The following TTC29 variants were observed in gnomAD, a reference collection of about 807,000 sequenced individuals.
TTC29 encodes tetratricopeptide repeat protein 29.
A neutral mutation model predicts 58.1 loss-of-function variants in TTC29; 49 were observed. The observed-to-expected ratio is 0.84, with a 90% CI of 0.67 to 1.07. TTC29 has a LOEUF of 1.07. TTC29 is among the 50% of genes least tolerant of loss of function. The pLI is 0.00. For missense variants in TTC29, 582 were observed against 555.6 expected (o/e 1.05, Z -0.48); for synonymous variants, 209 against 196.8 (o/e 1.06, Z -0.52).
chr4:146,886,444 T>C (rs1380323621), intron 6 of TTC29, among the ~76,000 whole-genome samples: 1 of 152,154 alleles, frequency 6.6e-6, no homozygotes, highest in Non-Finnish European at 1.5e-5. Context: ...TTATAATGCA[T>C]AATCTGAATA....
At chr4:146,866,061 A>T (rs1044783394) in intron 8 of TTC29, among the ~76,000 whole-genome samples, 2 of 152,240 alleles carry the variant, frequency 1.3e-5, no homozygotes, top group Non-Finnish European at 2.9e-5. Context: ...TTGAATATAT[A>T]GAATATTTTC....
chr4:146,915,020 A>G (rs1560714681), intron 4 of TTC29, among the ~76,000 whole-genome samples: 2 of 152,176 alleles, frequency 1.3e-5, no homozygotes, highest in South Asian at 4.1e-4. Context: ...ACAATGTGTC[A>G]GGCACTGTGT....
intron 11 of TTC29, among the ~76,000 whole-genome samples, chr4:146,749,360 G>A (rs186957695): frequency 6.6e-6 from 1 of 151,732 alleles, no homozygotes; most frequent in East Asian, 1.9e-4. Context: ...TGGAGCTGAA[G>A]AATTAAATCA....
At chr4:146,943,057 TTTAC>T (rs1736561919) in intron 2 of TTC29, 1 of 154,614 alleles carries the variant, frequency 6.5e-6, no homozygotes, top group African/African-American at 2.4e-5. Flanking sequence ...CTTTTTGATG[TTTAC>T]TTGAGTTCGA....
chr4:146,709,098 GTAC>G (rs1420801804), intron 11 of TTC29, among the ~76,000 whole-genome samples: 3 of 152,066 alleles, frequency 2.0e-5, no homozygotes, highest in Non-Finnish European at 4.4e-5. Flanking sequence ...CATTGTCACT[GTAC>G]TACTACTTTC....
chr4:146,824,166 C>A (rs1014804792), intron 9 of TTC29, among the ~76,000 whole-genome samples: 1 of 152,152 alleles, frequency 6.6e-6, no homozygotes, highest in Non-Finnish European at 1.5e-5. Flanking sequence ...AAGAAGGTAT[C>A]CTTGTCTTGT....
chr4:146,944,597 G>A (rs1736747957), intron 2 of TTC29, among the ~76,000 whole-genome samples: 1 of 152,128 alleles, frequency 6.6e-6, no homozygotes, highest in African/African-American at 2.4e-5. Context: ...AGTGTCTGCA[G>A]GGTTCAGTCA....
chr4:146,793,968 A>C (rs1038082640), intron 11 of TTC29, among the ~76,000 whole-genome samples: 3 of 152,186 alleles, frequency 2.0e-5, no homozygotes, highest in Non-Finnish European at 4.4e-5. Context: ...CATCTATTTA[A>C]GCATCCACTT....
In TTC29 at chr4:146,728,860, C is replaced by CATATATATGTGTATATATACGT. The variant is rs1744103246; in HGVS notation, c.1331-21310_1331-21309insACGTATATATACACATATATAT. Among the ~76,000 whole-genome samples, 22 of 62,048 alleles carry CATATATATGTGTATATATACGT rather than the reference C, an allele frequency of 3.5e-4. 1 individual carries two copies. Among genetic ancestry groups the CATATATATGTGTATATATACGT allele is most frequent in the East Asian group, 1.8e-3 (3 of 1,672 alleles). The allele number at this position is 62,048 out of a possible 152,430, so 40.7% of individuals were successfully genotyped here. ...ACACATATATATGTATATATATACACATATATATGTGTGTGTATATATATA... is the reference window on the plus strand; with the variant it reads ...ACACATATATATGTATATATATACACATATATATGTGTATATATACGTATATATATGTGTGTGTATATATATA... On this transcript the variant is annotated intron_variant, in intron 11 of 12. Coordinates refer to ENST00000325106, the MANE Select transcript of TTC29 (RefSeq NM_031956.4).
At chr4:146,940,979 T>C (rs1281861910) in intron 2 of TTC29, among the ~76,000 whole-genome samples, 1 of 152,202 alleles carries the variant, frequency 6.6e-6, no homozygotes, top group Non-Finnish European at 1.5e-5. Context: ...ATGGGAGATA[T>C]TATTGCAGCC....
intron 8 of TTC29, among the ~76,000 whole-genome samples, chr4:146,846,600 A>G (rs1375870148): frequency 3.3e-5 from 5 of 152,096 alleles, no homozygotes. Flanking sequence ...CCTTTTGGCC[A>G]CCTTGAACGA....
chr4:146,747,249 C>T (rs1346474168), intron 11 of TTC29, among the ~76,000 whole-genome samples: 2 of 152,260 alleles, frequency 1.3e-5, no homozygotes, highest in Admixed American at 6.5e-5. Flanking sequence ...TGTCCCCCAC[C>T]TGGGTCACAC....
chr4:146,760,516 A>T (rs1000851936), intron 11 of TTC29, among the ~76,000 whole-genome samples: 2 of 151,936 alleles, frequency 1.3e-5, no homozygotes, highest in Non-Finnish European at 2.9e-5. Flanking sequence ...TAGAGGCATC[A>T]CACTACCTGA....
chr4:146,927,091 A>T (rs1027623272), intron 4 of TTC29, among the ~76,000 whole-genome samples: 3 of 151,668 alleles, frequency 2.0e-5, no homozygotes, highest in Non-Finnish European at 4.4e-5. Context: ...AAAAAAAAAA[A>T]AAAGAAAAAA....
intron 6 of TTC29, among the ~76,000 whole-genome samples, chr4:146,892,764 T>A (rs1732470777): frequency 6.6e-6 from 1 of 152,202 alleles, no homozygotes; most frequent in Non-Finnish European, 1.5e-5. Context: ...GCAGATGACA[T>A]GACTTTATAT....
intron 11 of TTC29, among the ~76,000 whole-genome samples, chr4:146,750,647 A>T (rs138153461): frequency 6.6e-6 from 1 of 152,224 alleles, no homozygotes; most frequent in African/African-American, 2.4e-5. Flanking sequence ...TTAAATTATT[A>T]TCGGCTTAGA....
rs111597201 is a variant in TTC29, at chr4:146,729,909, G to T, written c.1331-22358C>A. ...CCATGACCCTCCCTCGATACGTGGG[G>T]ATTATGGGGATTACCATTAGAGATG... is the stretch of plus-strand genomic sequence containing the variant. On this transcript the variant is annotated intron_variant, in intron 11 of 12. Coordinates refer to ENST00000325106, the MANE Select transcript of TTC29 (RefSeq NM_031956.4). 3.1e-3 allele frequency among the ~76,000 whole-genome samples: 469 copies of T among 152,058 alleles called. 6 individuals are homozygous for T. The highest frequency in any genetic ancestry group is 0.011 in the African/African-American group (451 of 41,484).
chr4:146,852,727 G>A (rs374474028), intron 8 of TTC29, among the ~76,000 whole-genome samples: 2 of 152,264 alleles, frequency 1.3e-5, no homozygotes, highest in African/African-American at 4.8e-5. Context: ...CAATCTACCT[G>A]ACCAAAAAGA....
In TTC29 at chr4:146,888,755, A is replaced by G. The variant is rs558307864; in HGVS notation, c.587-13827T>C. Among the ~76,000 whole-genome samples the G allele has an allele frequency of 5.3e-5, 8 of 152,264 alleles. No individual in the cohort carries two copies. The South Asian group carries it at 1.7e-3, about 32-fold the overall frequency. ...CTAATTAGTAAATAATTTGACACAC[A>G]GTTTTTAATTACTAATCATTCTTTT... On this transcript the variant is annotated intron_variant, in intron 6 of 12. Transcript: ENST00000325106.
Sources: allele counts gnomAD v4.1 joint callset (sites outside exome capture counted in the v4.1 genomes callset), GRCh38; gene constraint gnomAD v4.1.1; transcripts MANE v1.5; gene names NCBI Gene and HGNC (gene_info 2026-07-23, HGNC 2026-07-21).